Variants in CCSER1 observed in about 807,000 individuals in gnomAD.
CCSER1 encodes the protein serine-rich coiled-coil domain-containing protein 1.
CCSER1 carries 41 observed loss-of-function variants against 82.0 expected under a neutral mutation model. The ratio of observed to expected loss-of-function variants is 0.50; its 90% confidence interval spans 0.39 to 0.65. The LOEUF (loss-of-function observed/expected upper bound fraction) is 0.65. Ranked by LOEUF, CCSER1 falls within the 30% of genes least tolerant of loss-of-function variation. The pLI is 0.00. For missense variants in CCSER1, 1,119 were observed against 1,064.2 expected (o/e 1.05, Z -0.72); for synonymous variants, 414 against 383.9 (o/e 1.08, Z -0.92).
At chr4:90,831,723 C>T (rs896415656) in intron 8 of CCSER1, among the ~76,000 whole-genome samples, 2 of 152,080 alleles carry the variant, frequency 1.3e-5, no homozygotes, top group African/African-American at 2.4e-5. Context: ...ACTTGCATAT[C>T]ATTTTTTTTC....
chr4:90,334,210 A>G (rs1350254942), intron 3 of CCSER1, among the ~76,000 whole-genome samples: 1 of 152,082 alleles, frequency 6.6e-6, no homozygotes, highest in Admixed American at 6.5e-5. Context: ...TAAAGGTGAG[A>G]TGCTATGATA....
intron 9 of CCSER1, among the ~76,000 whole-genome samples, chr4:90,949,674 C>T (rs1296895346): frequency 6.6e-6 from 1 of 152,064 alleles, no homozygotes; most frequent in African/African-American, 2.4e-5. Flanking sequence ...CTGTTTTGTG[C>T]CAGGTATTTC....
At chr4:90,283,941 C>T (rs749839096) in intron 1 of CCSER1, among the ~76,000 whole-genome samples, 8 of 151,910 alleles carry the variant, frequency 5.3e-5, no homozygotes, top group Non-Finnish European at 1.0e-4. Flanking sequence ...TTTACATTCC[C>T]ACTGTGTATA....
At chr4:90,603,769 G>A (rs185739720) in intron 5 of CCSER1, among the ~76,000 whole-genome samples, 6 of 152,264 alleles carry the variant, frequency 3.9e-5, no homozygotes, top group Admixed American at 3.9e-4. Flanking sequence ...CTCTCCAAAA[G>A]CAGTTGCTTT....
chr4:90,200,319 A>G (rs374841208), intron 1 of CCSER1, among the ~76,000 whole-genome samples: 115 of 152,284 alleles, frequency 7.6e-4, no homozygotes, highest in African/African-American at 2.7e-3. Context: ...AGGATTATGT[A>G]ATTAATAATG....
chr4:90,806,952 C>G (rs932046015), intron 7 of CCSER1, among the ~76,000 whole-genome samples: 23 of 151,674 alleles, frequency 1.5e-4, no homozygotes, highest in South Asian at 4.2e-4. Flanking sequence ...CCTGGAGAAC[C>G]AACTTGTGAC....
chr4:91,294,561 GT>G (rs1369232386), intron 10 of CCSER1, among the ~76,000 whole-genome samples: 1 of 151,748 alleles, frequency 6.6e-6, no homozygotes, highest in African/African-American at 2.4e-5. Context: ...TGGCAACAGG[GT>G]TTGTTCCTTC....
intron 9 of CCSER1, among the ~76,000 whole-genome samples, chr4:90,999,529 T>C (rs1737803330): frequency 6.6e-6 from 1 of 152,252 alleles, no homozygotes; most frequent in Non-Finnish European, 1.5e-5. Flanking sequence ...GTATATCTTC[T>C]TTTGAGAAGT....
intron 1 of CCSER1, among the ~76,000 whole-genome samples, chr4:90,256,747 T>C (rs1251827615): frequency 2.0e-5 from 3 of 152,154 alleles, no homozygotes; most frequent in Non-Finnish European, 4.4e-5. Context: ...TTTTATTTAC[T>C]GTAGTTCCCC....
chr4:91,107,193 C>A lies in CCSER1; in HGVS notation c.2217+21199C>A, dbSNP rs554982878. 5.9e-5 allele frequency among the ~76,000 whole-genome samples: 9 copies of A among 152,234 alleles called. No homozygotes were observed. The East Asian group carries it at 1.7e-3, about 29-fold the overall frequency. ...TAGCCTAGGTGTATAGTAGCCTATG[C>A]CATCTAGGTTTGTGTAAGTCGAATC... is the stretch of plus-strand genomic sequence containing the variant. On this transcript the variant is annotated intron_variant, in intron 10 of 10. Transcript: ENST00000509176.
Position 90,535,435 on chromosome 4 carries a change from A to G in CCSER1, c.1724+67081A>G, listed in dbSNP as rs1170178610. Among the ~76,000 whole-genome samples the G allele has an allele frequency of 2.0e-5, 3 of 152,176 alleles. No individual in the cohort carries two copies. The East Asian group carries it at 5.8e-4, about 29-fold the overall frequency. On this transcript the variant is annotated intron_variant, in intron 5 of 10. Transcript: ENST00000509176. Reference sequence around the variant, plus strand: ...CCCCATTAATACAAAAAACAAAAAAACAACAAAGAAAAAGGAATCATTTTG... The same window carrying G: ...CCCCATTAATACAAAAAACAAAAAAGCAACAAAGAAAAAGGAATCATTTTG...
At chr4:90,674,405 G>A (rs9993548) in intron 6 of CCSER1, among the ~76,000 whole-genome samples, 135,410 of 151,664 alleles carry the variant, frequency 0.89, 60,497 homozygotes, top group East Asian at 0.99. Context: ...TGAAGGGACA[G>A]TTGTCAAGTC....
At chr4:90,812,748 T>C (rs1381104419) in intron 7 of CCSER1, among the ~76,000 whole-genome samples, 1 of 152,016 alleles carries the variant, frequency 6.6e-6, no homozygotes, top group African/African-American at 2.4e-5. Context: ...GGCGGAAGGC[T>C]GAGGGGAAGC....
intron 6 of CCSER1, among the ~76,000 whole-genome samples, chr4:90,707,182 A>G (rs1301553857): frequency 2.0e-5 from 3 of 152,052 alleles, no homozygotes; most frequent in East Asian, 3.9e-4. Flanking sequence ...CTTCTAAAAT[A>G]GTCCATGTTT....
chr4:90,184,403 T>C (rs1250934040), intron 1 of CCSER1, among the ~76,000 whole-genome samples: 2 of 152,120 alleles, frequency 1.3e-5, no homozygotes. Flanking sequence ...AAGATCTGAC[T>C]GACTTCTTAA....
At chr4:90,892,137 G>A (rs937917034) in intron 8 of CCSER1, among the ~76,000 whole-genome samples, 1 of 152,072 alleles carries the variant, frequency 6.6e-6, no homozygotes, top group African/African-American at 2.4e-5. Context: ...TATCTAAAGT[G>A]TATTTAATTA....
intron 1 of CCSER1, among the ~76,000 whole-genome samples, chr4:90,177,382 T>G (rs1247405322): frequency 6.6e-6 from 1 of 152,080 alleles, no homozygotes; most frequent in East Asian, 1.9e-4. Context: ...CCTTAGACAC[T>G]TTAAGCGGTT....
At chr4:90,845,140 A>G (rs1316290999) in intron 8 of CCSER1, among the ~76,000 whole-genome samples, 1 of 152,110 alleles carries the variant, frequency 6.6e-6, no homozygotes, top group African/African-American at 2.4e-5. Context: ...AGGCAGGCAG[A>G]TCATGAGGTC....
At chr4:90,885,398 A>G (rs1721976037) in intron 8 of CCSER1, among the ~76,000 whole-genome samples, 1 of 152,198 alleles carries the variant, frequency 6.6e-6, no homozygotes, top group South Asian at 2.1e-4. Context: ...CAAGATGGCA[A>G]TAGAGAATTT....
Sources: allele counts gnomAD v4.1 joint callset (sites outside exome capture counted in the v4.1 genomes callset), GRCh38; gene constraint gnomAD v4.1.1; transcripts MANE v1.5; gene names NCBI Gene and HGNC (gene_info 2026-07-23, HGNC 2026-07-21).